Variants in LHFPL3 observed in about 807,000 individuals in gnomAD.
LHFPL3 encodes LHFPL tetraspan subfamily member 3.
LHFPL3 carries 5 observed loss-of-function variants against 19.3 expected under a neutral mutation model. The ratio of observed to expected loss-of-function variants is 0.26; its 90% CI spans 0.14 to 0.54. The LOEUF (loss-of-function observed/expected upper bound fraction) is 0.54. Ranked by LOEUF, LHFPL3 falls within the 20% of genes least tolerant of loss-of-function variation. The pLI is 0.94. For synonymous variants in LHFPL3, 133 were observed against 126.2 expected (o/e 1.05, Z -0.36); for missense variants, 249 against 307.4 (o/e 0.81, Z 1.42).
intron 1 of LHFPL3, among the ~76,000 whole-genome samples, chr7:104,720,934 TTGG>T (rs990124572): frequency 2.0e-5 from 3 of 152,196 alleles, no homozygotes; most frequent in African/African-American, 4.8e-5. Flanking sequence ...TTTTACACTG[TTGG>T]TGGGAGTGTA....
chr7:104,593,774 A>G (rs1216976141), intron 1 of LHFPL3, among the ~76,000 whole-genome samples: 1 of 152,140 alleles, frequency 6.6e-6, no homozygotes, highest in African/African-American at 2.4e-5. Context: ...TGTTGAATTG[A>G]TCCCTTTACT....
intron 1 of LHFPL3, among the ~76,000 whole-genome samples, chr7:104,555,033 G>A (rs1437805298): frequency 1.3e-5 from 2 of 152,164 alleles, no homozygotes; most frequent in Non-Finnish European, 2.9e-5. Context: ...GCTCCCAGGT[G>A]ACTGGATGGT....
At chr7:104,647,963 T>C (rs911789865) in intron 1 of LHFPL3, among the ~76,000 whole-genome samples, 5 of 152,204 alleles carry the variant, frequency 3.3e-5, no homozygotes, top group African/African-American at 9.6e-5. Context: ...AATAAACAGA[T>C]AAACGAGCTG....
At chr7:104,614,444 C>A (rs1442077546) in intron 1 of LHFPL3, among the ~76,000 whole-genome samples, 2 of 152,100 alleles carry the variant, frequency 1.3e-5, no homozygotes, top group East Asian at 3.9e-4. Context: ...GTTCTTAGTA[C>A]AGGTCATGTA....
At chr7:104,438,811 G>T (rs566516740) in intron 1 of LHFPL3, among the ~76,000 whole-genome samples, 36 of 144,146 alleles carry the variant, frequency 2.5e-4, no homozygotes, top group Admixed American at 1.5e-3. Context: ...ACCAAAAGTT[G>T]ATTTTTTAAA....
At chr7:104,730,104 A>G (rs935000796) in intron 1 of LHFPL3, among the ~76,000 whole-genome samples, 5 of 152,186 alleles carry the variant, frequency 3.3e-5, no homozygotes, top group Non-Finnish European at 1.5e-5. Context: ...AGAGTATTCC[A>G]TGGTGTATGT....
At chr7:104,428,348 C>T (rs1319298134) in intron 1 of LHFPL3, among the ~76,000 whole-genome samples, 1 of 152,138 alleles carries the variant, frequency 6.6e-6, no homozygotes, top group Non-Finnish European at 1.5e-5. Context: ...TATTGTCTAA[C>T]TAAATTTTCT....
chr7:104,519,197 T>G (rs1176068179), intron 1 of LHFPL3, among the ~76,000 whole-genome samples: 2 of 152,034 alleles, frequency 1.3e-5, no homozygotes, highest in Non-Finnish European at 2.9e-5. Flanking sequence ...AATAACAACA[T>G]AAGCTGAAAA....
intron 1 of LHFPL3, among the ~76,000 whole-genome samples, chr7:104,406,020 G>A (rs1791405474): frequency 6.6e-6 from 1 of 152,240 alleles, no homozygotes; most frequent in South Asian, 2.1e-4. Context: ...TCCTTCTTGA[G>A]TGTATCTGAC....
chr7:104,400,135 A>AAAAAAAAAAAAAAACAAAC, intron 1 of LHFPL3, among the ~76,000 whole-genome samples: 1 of 136,508 alleles, frequency 7.3e-6, no homozygotes, highest in African/African-American at 2.9e-5. Context: ...AAAAAAAAAA[A>AAAAAAAAAAAAAAACAAAC]AAAAAAAAAA....
In LHFPL3 at chr7:104,351,249, C is replaced by T. The variant is rs201614023; in HGVS notation, c.445+22025C>T. ...AGAAATCCCTTCTCTTCCAGATCAT[C>T]ATACCTTATCTATTTAGGCTTCTTC... On this transcript the variant is annotated intron_variant, in intron 1 of 2. Coordinates refer to ENST00000424859, the MANE Select transcript of LHFPL3 (RefSeq NM_199000.3). Among the ~76,000 whole-genome samples, 10 of 152,258 alleles carry T rather than the reference C, an allele frequency of 6.6e-5. No individual in the cohort carries two copies. In the East Asian group the frequency reaches 1.9e-3, roughly 29 times the overall value.
chr7:104,495,682 C>T (rs1011382299), intron 1 of LHFPL3, among the ~76,000 whole-genome samples: 1 of 152,110 alleles, frequency 6.6e-6, no homozygotes, highest in African/African-American at 2.4e-5. Flanking sequence ...CGCGCCTGGC[C>T]TAAAAATTTT....
At chr7:104,637,965 G>A (rs1327635894) in intron 1 of LHFPL3, among the ~76,000 whole-genome samples, 7 of 151,600 alleles carry the variant, frequency 4.6e-5, no homozygotes, top group South Asian at 2.1e-4. Context: ...CATTGAATCC[G>A]TACATTATTC....
At chr7:104,684,596 A>T (rs1462008397) in intron 1 of LHFPL3, among the ~76,000 whole-genome samples, 1 of 152,228 alleles carries the variant, frequency 6.6e-6, no homozygotes, top group African/African-American at 2.4e-5. Context: ...AGGCTGTATC[A>T]AACAGGCAGT....
At chr7:104,738,586 A>G (rs1450968882) in intron 2 of LHFPL3, 1 of 152,198 alleles carries the variant, frequency 6.6e-6, no homozygotes, top group Non-Finnish European at 1.5e-5. Flanking sequence ...AAAATTCACA[A>G]GAAGAAAAAT....
At chr7:104,412,697 A>G (rs1430499593) in intron 1 of LHFPL3, among the ~76,000 whole-genome samples, 1 of 152,120 alleles carries the variant, frequency 6.6e-6, no homozygotes, top group Non-Finnish European at 1.5e-5. Context: ...TTCAATTCAC[A>G]TTGCTTACAC....
intron 1 of LHFPL3, among the ~76,000 whole-genome samples, chr7:104,652,449 G>A (rs538904351): frequency 6.6e-6 from 1 of 152,108 alleles, no homozygotes; most frequent in African/African-American, 2.4e-5. Flanking sequence ...TTTTGGGGAT[G>A]CATGTGATAT....
chr7:104,584,337 T>A (rs1451103599), intron 1 of LHFPL3, among the ~76,000 whole-genome samples: 1 of 151,914 alleles, frequency 6.6e-6, no homozygotes, highest in East Asian at 1.9e-4. Flanking sequence ...AGGGATAGCA[T>A]TAGGAGATAT....
intron 1 of LHFPL3, among the ~76,000 whole-genome samples, chr7:104,454,747 C>T (rs1294223036): frequency 1.3e-5 from 2 of 152,160 alleles, no homozygotes; most frequent in African/African-American, 2.4e-5. Context: ...TCCTTCTCTA[C>T]CATCTTTCCT....
Sources: gnomAD v4.1 joint callset for allele counts (sites outside exome capture counted in the v4.1 genomes callset) on GRCh38, gnomAD v4.1.1 for gene constraint, MANE v1.5 for transcripts, NCBI Gene and HGNC (gene_info 2026-07-23, HGNC 2026-07-21) for gene names.